TSPAN9: variants seen among roughly 807,000 people sequenced by gnomAD.
The protein encoded by TSPAN9 is tetraspanin 9.
TSPAN9 carries 16 observed loss-of-function variants against 31.0 expected under a neutral mutation model. The observed-to-expected ratio is 0.52, with a 90% CI of 0.35 to 0.78. The LOEUF is 0.78. TSPAN9 is among the 30% of genes least tolerant of loss of function. The pLI is 0.01. For synonymous variants in TSPAN9, 145 were observed against 121.6 expected (o/e 1.19, Z -1.27); for missense variants, 272 against 312.5 (o/e 0.87, Z 0.98).
chr12:3,138,637 A>G (rs2098333187), intron 2 of TSPAN9, among the ~76,000 whole-genome samples: 1 of 148,108 alleles, frequency 6.8e-6, no homozygotes. Context: ...CCATACAAAA[A>G]AAAAAAAAGG....
At chr12:3,100,513 G>A (rs1236964244) in intron 2 of TSPAN9, among the ~76,000 whole-genome samples, 1 of 152,204 alleles carries the variant, frequency 6.6e-6, no homozygotes, top group East Asian at 1.9e-4. Context: ...CCATTCGTCT[G>A]TCAGGGATTG....
intron 2 of TSPAN9, chr12:3,151,122 T>C (rs1017471426): frequency 5.9e-5 from 9 of 152,254 alleles, no homozygotes; most frequent in Admixed American, 1.3e-4. Context: ...TGGTTTGTAG[T>C]GCACTGTCAG....
At chr12:3,198,596 GT>G (rs2098368837) in intron 2 of TSPAN9, among the ~76,000 whole-genome samples, 20 of 53,600 alleles carry the variant, frequency 3.7e-4, no homozygotes, top group South Asian at 3.5e-3. Context: ...ACCAGCACAG[GT>G]CACACCAGCA....
intron 2 of TSPAN9, among the ~76,000 whole-genome samples, chr12:3,132,396 G>A (rs2098330201): frequency 6.6e-6 from 1 of 152,118 alleles, no homozygotes; most frequent in Non-Finnish European, 1.5e-5. Flanking sequence ...GGCAACGCAT[G>A]AGGGTTCCAA....
intron 3 of TSPAN9, among the ~76,000 whole-genome samples, chr12:3,219,073 A>G (rs944815902): frequency 6.6e-5 from 10 of 152,204 alleles, no homozygotes; most frequent in Non-Finnish European, 1.0e-4. Flanking sequence ...GCCAGAGACA[A>G]GGGCTTACAG....
At chr12:3,104,752 T>C (rs74057531) in intron 2 of TSPAN9, among the ~76,000 whole-genome samples, 5,874 of 152,258 alleles carry the variant, frequency 0.039, 392 homozygotes, top group African/African-American at 0.13. Flanking sequence ...TTACTCCAAT[T>C]TACTTAGCAA....
rs534936693 is a variant in TSPAN9 at position 3,278,175 on chromosome 12, G to T, written c.64-246G>T. On this transcript the variant is annotated intron_variant, in intron 3 of 8. Coordinates refer to ENST00000011898, the MANE Select transcript of TSPAN9 (RefSeq NM_006675.5). The stretch of plus-strand genomic sequence containing the variant: ...AATCCATCCTCAGAATGACCTGGGA[G>T]GCTCTTGAAACTGGCACAGTCTCCG... Among the ~76,000 whole-genome samples, 6 of 152,322 alleles carry T rather than the reference G, an allele frequency of 3.9e-5. No homozygotes were observed. The South Asian group carries it at 1.2e-3, about 32-fold the overall frequency.
intron 2 of TSPAN9, among the ~76,000 whole-genome samples, chr12:3,130,028 T>C (rs569437142): frequency 6.6e-6 from 1 of 152,348 alleles, no homozygotes; most frequent in African/African-American, 2.4e-5. Flanking sequence ...ATCACCGATG[T>C]GTGGGACAAA....
At chr12:3,106,419 A>G (rs528870023) in intron 2 of TSPAN9, among the ~76,000 whole-genome samples, 2 of 152,368 alleles carry the variant, frequency 1.3e-5, no homozygotes, top group East Asian at 3.9e-4. Context: ...TTATGCCTGT[A>G]AAATGTAAAG....
intron 3 of TSPAN9, among the ~76,000 whole-genome samples, chr12:3,252,322 T>C (rs1386855441): frequency 1.3e-5 from 2 of 152,160 alleles, no homozygotes. Flanking sequence ...GAATGGCGTT[T>C]AGAGGGTATG....
chr12:3,244,327 G>A (rs1055835306), intron 3 of TSPAN9, among the ~76,000 whole-genome samples: 3 of 152,098 alleles, frequency 2.0e-5, no homozygotes, highest in Admixed American at 2.0e-4. Flanking sequence ...GACCTCCAAA[G>A]CCCTTCAGCC....
chr12:3,162,805 C>G (rs935501134), intron 2 of TSPAN9, among the ~76,000 whole-genome samples: 2 of 152,184 alleles, frequency 1.3e-5, no homozygotes, highest in African/African-American at 4.8e-5. Flanking sequence ...TACATGTCGC[C>G]CTTCTCTCCC....
chr12:3,080,415 A>C (rs1369121142), intron 1 of TSPAN9, among the ~76,000 whole-genome samples: 1 of 152,116 alleles, frequency 6.6e-6, no homozygotes, highest in African/African-American at 2.4e-5. Flanking sequence ...AGCTCACTGC[A>C]ACCTCCGCCT....
chr12:3,258,336 G>T (rs1862387141), intron 3 of TSPAN9, among the ~76,000 whole-genome samples: 1 of 152,172 alleles, frequency 6.6e-6, no homozygotes, highest in South Asian at 2.1e-4. Flanking sequence ...AGTCCTGTGG[G>T]TCTAAGACAT....
At chr12:3,201,314 A>G in intron 3 of TSPAN9, 58 bp downstream of exon 3, 7 of 1,495,092 alleles carry the variant, frequency 4.7e-6, no homozygotes, top group East Asian at 2.3e-5. Context: ...GGCTTACCAT[A>G]GCGTGAATAC....
intron 2 of TSPAN9, among the ~76,000 whole-genome samples, chr12:3,128,939 C>T (rs1485527732): frequency 6.6e-6 from 1 of 152,194 alleles, no homozygotes; most frequent in Non-Finnish European, 1.5e-5. Context: ...CCCCTACTTC[C>T]AGCCCCTGGT....
At chr12:3,173,437 C>T (rs957767685) in intron 2 of TSPAN9, 1 of 152,302 alleles carries the variant, frequency 6.6e-6, no homozygotes, top group Non-Finnish European at 1.5e-5. Context: ...CATGGGACAC[C>T]TCCTCATCTA....
intron 3 of TSPAN9, among the ~76,000 whole-genome samples, chr12:3,249,371 A>C (rs747903210): frequency 3.3e-5 from 5 of 151,858 alleles, no homozygotes; most frequent in Non-Finnish European, 5.9e-5. Context: ...CCTGCCCACC[A>C]TTCTCTCCAG....
At chr12:3,245,159 T>G (rs1335875449) in intron 3 of TSPAN9, among the ~76,000 whole-genome samples, 1 of 152,216 alleles carries the variant, frequency 6.6e-6, no homozygotes, top group Non-Finnish European at 1.5e-5. Flanking sequence ...AGCGCCTGGT[T>G]CTGGAACTCG....
Sources: allele counts gnomAD v4.1 joint callset (sites outside exome capture counted in the v4.1 genomes callset), GRCh38; gene constraint gnomAD v4.1.1; transcripts MANE v1.5; gene names NCBI Gene and HGNC (gene_info 2026-07-23, HGNC 2026-07-21).